JMJD7: variants seen among roughly 807,000 people sequenced by gnomAD.
JMJD7 encodes the protein jumonji domain containing 7.
In JMJD7, 41 loss-of-function variants were observed where a neutral mutation model predicts 41.1. The observed-to-expected ratio is 1.00, with a 90% CI of 0.78 to 1.30. The LOEUF is 1.30. Among genes scored for constraint, JMJD7 ranks in the 50% most tolerant of loss-of-function variants. The probability of loss-of-function intolerance (pLI) is 0.00; values close to 1 mark genes in which losing one functional copy is unlikely to be tolerated. For missense variants in JMJD7, 480 were observed against 420.7 expected (o/e 1.14, Z -1.23); for synonymous variants, 202 against 177.2 (o/e 1.14, Z -1.11).
intron 1 of JMJD7, chr15:41,832,428 G>A (rs148355037): frequency 3.8e-4 from 61 of 160,702 alleles, no homozygotes; most frequent in East Asian, 3.7e-3. Context: ...ACTTCAGCCT[G>A]GGCAACAGAG....
At chr15:41,833,792 C>T (rs1459807296) in intron 1 of JMJD7, among the ~76,000 whole-genome samples, 4 of 151,882 alleles carry the variant, frequency 2.6e-5, no homozygotes, top group East Asian at 1.9e-4. Flanking sequence ...TAAAGATTTG[C>T]AGCAGGGGGA....
chr15:41,836,162 T>C lies in JMJD7; in HGVS notation c.544T>C (p.Tyr182His). The C allele has an allele frequency of 3.1e-6, 5 of 1,606,958 alleles. No individual in the cohort carries two copies. The highest frequency in any genetic ancestry group is 4.3e-6 in the Non-Finnish European group (5 of 1,176,372). ...TCTGTTGGCAGTGCACAAGGACCAC[T>C]ATGAGAACCTCTACTGCGTGGTCTC... Reference protein sequence around the residue: ...AAVTSLHKDHYENLYCVVSGE... With the variant: ...AAVTSLHKDHHENLYCVVSGE... Residue 182 changes from tyrosine to histidine, a missense_variant, in exon 5 of 8, where the codon TAT (tyrosine) becomes CAT (histidine). Coordinates refer to ENST00000397299, the MANE Select transcript of JMJD7 (RefSeq NM_001114632.2).
intron 1 of JMJD7, among the ~76,000 whole-genome samples, chr15:41,831,912 T>C (rs2065234788): frequency 6.6e-6 from 1 of 152,156 alleles, no homozygotes; most frequent in Admixed American, 6.5e-5. Flanking sequence ...CTCGCCACAT[T>C]GTGGGTGTCC....
chr15:41,834,719 C>G (rs547468302), intron 1 of JMJD7, 21 bp from the exon 2 acceptor site: 1 of 1,611,552 alleles, frequency 6.2e-7, no homozygotes, highest in African/African-American at 1.3e-5. Context: ...CTTCCATCCC[C>G]TGTCTTCTTC....
intron 1 of JMJD7, among the ~76,000 whole-genome samples, chr15:41,829,710 G>A (rs571878990): frequency 1.3e-5 from 2 of 152,328 alleles, no homozygotes; most frequent in South Asian, 2.1e-4. Flanking sequence ...GAAATGGTGA[G>A]CAAGTAAAAC....
chr15:41,830,820 C>T (rs556395679), intron 1 of JMJD7, among the ~76,000 whole-genome samples: 262 of 152,374 alleles, frequency 1.7e-3, no homozygotes, highest in African/African-American at 3.6e-3. Flanking sequence ...CACCAGCCCC[C>T]TGCCTCCTTG....
chr15:41,832,980 G>A (rs990259926), intron 1 of JMJD7, among the ~76,000 whole-genome samples: 1 of 152,224 alleles, frequency 6.6e-6, no homozygotes, highest in Non-Finnish European at 1.5e-5. Flanking sequence ...TGTGGCAAGG[G>A]CAGGCACGAG....
At chr15:41,834,250 T>G (rs1000783038) in intron 1 of JMJD7, among the ~76,000 whole-genome samples, 2 of 152,242 alleles carry the variant, frequency 1.3e-5, no homozygotes, top group Admixed American at 6.5e-5. Flanking sequence ...TAGCCCCAGA[T>G]TAGCCAAGCC....
chr15:41,828,335 C>G, intron 1 of JMJD7, 147 bp downstream of exon 1: 1 of 980,616 alleles, frequency 1.0e-6, no homozygotes, highest in Non-Finnish European at 1.4e-6. Flanking sequence ...TGCTTCCCTT[C>G]TCCCGTGTTC....
At position 41,828,122 on chromosome 15, in the gene JMJD7, G is replaced by GC; in HGVS notation, c.-1dup. ...CGGGGTCTCGGCCGGCGCTGACGCAGCCATGGCGGAGGCGGCTTTGGAAGC... is the reference window on the plus strand; with the variant it reads ...CGGGGTCTCGGCCGGCGCTGACGCAGCCCATGGCGGAGGCGGCTTTGGAAGC... On this transcript the variant is annotated 5_prime_UTR_variant, in exon 1 of 8. Transcript: ENST00000397299. 3.4e-6 allele frequency: 5 copies of GC among 1,458,346 alleles called. No individual in the cohort carries two copies. The highest frequency in any genetic ancestry group is 4.5e-6 in the Non-Finnish European group (5 of 1,108,564). The allele number at this position is 1,458,346 out of a possible 1,614,324, so 90.3% of individuals were successfully genotyped here.
At chr15:41,835,899 G>T (rs1474393328) in intron 4 of JMJD7, among the ~76,000 whole-genome samples, 1 of 152,192 alleles carries the variant, frequency 6.6e-6, no homozygotes, top group Non-Finnish European at 1.5e-5. Flanking sequence ...CGCTGGGCCA[G>T]GGGGTAAGTG....
intron 4 of JMJD7, 100 bp from the exon 5 acceptor site, chr15:41,836,048 A>T (rs1212705707): frequency 6.2e-6 from 8 of 1,287,720 alleles, no homozygotes; most frequent in Non-Finnish European, 8.5e-6. Context: ...CTCTTTTGTC[A>T]TAGGACGTCT....
Position 41,836,828 on chromosome 15 carries a change from C to T in JMJD7, c.750C>T (p.Tyr250=), listed in dbSNP as rs778011222. Residue 250 remains tyrosine (Y), a synonymous_variant, in exon 7 of 8, where the codon TAC becomes TAT. Coordinates refer to ENST00000397299, the MANE Select transcript of JMJD7 (RefSeq NM_001114632.2). ...CCTTGGCGCCAGACCTAGCACGGTA[C>T]CCTAGTTACAGTCAGGCCCAGGCCC... ...LDPLAPDLAR[Y]PSYSQAQALR... is the part of the protein sequence containing the mutation. 3 of 1,612,768 alleles carry T rather than the reference C, an allele frequency of 1.9e-6. No individual in the cohort carries two copies. Among genetic ancestry groups the T allele is most frequent in the Non-Finnish European group, 2.5e-6 (3 of 1,179,624 alleles).
intron 1 of JMJD7, among the ~76,000 whole-genome samples, chr15:41,828,804 G>T (rs906066711): frequency 1.3e-5 from 2 of 152,066 alleles, no homozygotes; most frequent in Non-Finnish European, 2.9e-5. Context: ...GTTTATATCC[G>T]TGCACACACG....
At chr15:41,835,695 G>A (rs2065302223) in intron 4 of JMJD7, 51 bp downstream of exon 4, 1 of 1,587,864 alleles carries the variant, frequency 6.3e-7, no homozygotes, top group East Asian at 2.3e-5. Context: ...TGGGGCAGAG[G>A]GAGGGAAGAC....
chr15:41,836,154 A>G lies in JMJD7; in HGVS notation c.536A>G (p.Lys179Arg), dbSNP rs1457200645. 3.1e-6 allele frequency: 5 copies of G among 1,601,234 alleles called. No individual in the cohort carries two copies. Among genetic ancestry groups the G allele is most frequent in the East Asian group, 2.2e-5 (1 of 44,772 alleles). ...GEAAAVTSLHKDHYENLYCVV... is the reference protein window; with the variant it reads ...GEAAAVTSLHRDHYENLYCVV... ...GCCTTCTTTCTGTTGGCAGTGCACA[A>G]GGACCACTATGAGAACCTCTACTGC... Residue 179 changes from lysine (K) to arginine (R), a missense_variant, in exon 5 of 8, where the codon AAG becomes AGG. Transcript: ENST00000397299.
chr15:41,832,193 A>G (rs1215873320), intron 1 of JMJD7, among the ~76,000 whole-genome samples: 1 of 152,068 alleles, frequency 6.6e-6, no homozygotes, highest in Non-Finnish European at 1.5e-5. Flanking sequence ...CAAACCCCAC[A>G]CTCATTCGCT....
rs55860712 is a variant in JMJD7, at chr15:41,833,393, C to CATATATATAT, written c.65-1334_65-1325dup. Among the ~76,000 whole-genome samples the CATATATATAT allele has an allele frequency of 8.5e-3, 429 of 50,480 alleles. 33 individuals are homozygous for CATATATATAT. The highest frequency in any genetic ancestry group is 0.027 in the African/African-American group (402 of 14,686). The allele number at this position is 50,480 out of a possible 152,430, so 33.1% of individuals were successfully genotyped here. ...ATAAACAGTTTATGTAGGTGAAATA[C>CATATATATAT]ATATATATATATATATATATATTTT... On this transcript the variant is annotated intron_variant, in intron 1 of 7. Transcript: ENST00000397299.
intron 1 of JMJD7, 85 bp downstream of exon 1, chr15:41,828,273 C>G: frequency 7.1e-7 from 1 of 1,417,452 alleles, no homozygotes; most frequent in Non-Finnish European, 9.2e-7. Context: ...CTCGGAACCT[C>G]GTGTGTGCGA....
Sources: allele counts gnomAD v4.1 joint callset (sites outside exome capture counted in the v4.1 genomes callset), GRCh38; gene constraint gnomAD v4.1.1; transcripts MANE v1.5; gene names NCBI Gene and HGNC (gene_info 2026-07-23, HGNC 2026-07-21).